The following LOXL2 variants were observed in gnomAD, a reference collection of about 807,000 sequenced individuals.
LOXL2 encodes lysyl oxidase homolog 2.
A neutral mutation model predicts 93.0 loss-of-function variants in LOXL2; 70 were observed. The ratio of observed to expected loss-of-function variants is 0.75; its 90% confidence interval spans 0.62 to 0.92. LOXL2 has a LOEUF of 0.92. Among genes scored for constraint, LOXL2 ranks in the 40% least tolerant of loss-of-function variants. The pLI is 0.00. For synonymous variants in LOXL2, 438 were observed against 413.2 expected (o/e 1.06, Z -0.73); for missense variants, 973 against 1,054.9 (o/e 0.92, Z 1.08).
chr8:23,401,367 A>G (rs971796564), intron 1 of LOXL2, among the ~76,000 whole-genome samples: 2 of 152,192 alleles, frequency 1.3e-5, no homozygotes, highest in African/African-American at 4.8e-5. Flanking sequence ...ATAGACTGCT[A>G]TTTGGCATTA....
intron 3 of LOXL2, among the ~76,000 whole-genome samples, chr8:23,348,027 A>G (rs1804022300): frequency 6.6e-6 from 1 of 152,190 alleles, no homozygotes; most frequent in Admixed American, 6.5e-5. Context: ...TATAATTAAA[A>G]AAAAGAAAGA....
At chr8:23,325,173 C>T (rs10094499) in intron 6 of LOXL2, among the ~76,000 whole-genome samples, 20,940 of 152,210 alleles carry the variant, frequency 0.14, 2,646 homozygotes, top group African/African-American at 0.33. Context: ...ATATTGATTA[C>T]ATGTTGAAAT....
intron 2 of LOXL2, chr8:23,364,753 G>A (rs990514587): frequency 3.3e-5 from 5 of 152,176 alleles, no homozygotes; most frequent in African/African-American, 1.2e-4. Flanking sequence ...GAGATGGGAG[G>A]ATCACTTGAA....
At chr8:23,381,571 GC>G (rs1310545628) in intron 1 of LOXL2, among the ~76,000 whole-genome samples, 4 of 152,174 alleles carry the variant, frequency 2.6e-5, no homozygotes, top group Non-Finnish European at 1.5e-5. Flanking sequence ...AGGAGGTGGA[GC>G]TTTTTCTCTC....
At chr8:23,306,160 G>A (rs543645597) in intron 10 of LOXL2, among the ~76,000 whole-genome samples, 1 of 152,296 alleles carries the variant, frequency 6.6e-6, no homozygotes, top group African/African-American at 2.4e-5. Context: ...GGAGGTGTTG[G>A]ATGCAAAACG....
At chr8:23,364,425 AAAG>A (rs1413215263) in intron 2 of LOXL2, 3 of 152,232 alleles carry the variant, frequency 2.0e-5, no homozygotes, top group African/African-American at 7.2e-5. Context: ...TCTCCTGATG[AAAG>A]AAGAGATAAA....
In LOXL2 at chr8:23,333,561, T is replaced by G; in HGVS notation, c.806A>C (p.Glu269Ala). The G allele has an allele frequency of 1.2e-6, 2 of 1,613,914 alleles. No individual in the cohort carries two copies. Among genetic ancestry groups the G allele is most frequent in the East Asian group, 2.2e-5 (1 of 44,894 alleles). Residue 269 changes from glutamate (E) to alanine (A), a missense_variant, in exon 5 of 14, where the codon GAG (glutamate) becomes GCG (alanine). Transcript: ENST00000389131. ...WPFSMDCTGT[E>A]AHISSCKLGP... is the part of the protein sequence containing the mutation. ...CAGCTTGCAGCTGGAGATGTGGGCC[T>G]CTGTGCCGGTGCAGTCCATGGAGAA...
In LOXL2 at chr8:23,299,036, G is replaced by A. The variant is rs935332881; in HGVS notation, c.2134-89C>T. On this transcript the variant is annotated intron_variant, in intron 12 of 13. Coordinates refer to ENST00000389131, the MANE Select transcript of LOXL2 (RefSeq NM_002318.3). ...GGGCTCTGAGAGACCAGCACCTCAG[G>A]GAAGGGGAGCGTGGCAGGTGCCGGG... is the stretch of plus-strand genomic sequence containing the variant. The A allele has an allele frequency of 1.3e-5, 10 of 782,150 alleles. 1 individual carries two copies. The African/African-American group carries it at 1.7e-4, about 13-fold the overall frequency. 48.5% of individuals were successfully genotyped at this position (782,150 alleles called of 1,614,324 possible).
intron 4 of LOXL2, among the ~76,000 whole-genome samples, chr8:23,335,954 G>A (rs755804074): frequency 3.9e-5 from 6 of 152,178 alleles, no homozygotes; most frequent in Non-Finnish European, 8.8e-5. Flanking sequence ...TTCAGGGTGC[G>A]TGCTCACCAC....
At chr8:23,373,076 T>A (rs1356743910) in intron 1 of LOXL2, among the ~76,000 whole-genome samples, 1 of 152,026 alleles carries the variant, frequency 6.6e-6, no homozygotes, top group Admixed American at 6.6e-5. Flanking sequence ...AAGTAGAAAA[T>A]CCCCAAATAT....
intron 4 of LOXL2, among the ~76,000 whole-genome samples, chr8:23,339,140 T>A (rs1803840991): frequency 6.6e-6 from 1 of 152,040 alleles, no homozygotes; most frequent in African/African-American, 2.4e-5. Context: ...GGGACACATG[T>A]AGGCCTAACT....
chr8:23,359,642 T>G (rs1049329855), intron 3 of LOXL2, among the ~76,000 whole-genome samples: 6 of 152,188 alleles, frequency 3.9e-5, no homozygotes, highest in African/African-American at 1.4e-4. Flanking sequence ...TCTCACAAAC[T>G]GTGCAAGATA....
At position 23,341,109 on chromosome 8, in the gene LOXL2, T is replaced by C. The variant is rs936064216; in HGVS notation, c.626A>G (p.Lys209Arg). ...TPVMEGYVEV[K>R]EGKTWKQICD... ...GATCTGCTTCCAGGTCTTGCCCTCC[T>C]TCACCTCCACGTAGCCCTCCATCAC... Residue 209 changes from lysine (K) to arginine (R), a missense_variant, in exon 4 of 14, where the codon AAG becomes AGG. By Grantham distance (26) the Lys-to-Arg change is conservative. Transcript: ENST00000389131. The C allele has an allele frequency of 1.2e-6, 2 of 1,614,016 alleles. No homozygotes were observed. Among genetic ancestry groups the C allele is most frequent in the African/African-American group, 1.3e-5 (1 of 75,034 alleles).
intron 4 of LOXL2, among the ~76,000 whole-genome samples, chr8:23,339,120 CT>C (rs1803840665): frequency 6.6e-6 from 1 of 152,204 alleles, no homozygotes; most frequent in Non-Finnish European, 1.5e-5. Flanking sequence ...TTCCCAGCAC[CT>C]TTCTCTTTGG....
rs1199875291 is a variant in LOXL2 at position 23,328,429 on chromosome 8, C to A, written c.1103G>T (p.Gly368Val). The stretch of plus-strand genomic sequence containing the variant: ...GACTGCCTCTTTGGCACTCCCAAAG[C>A]CCAGCTCTCTGCAGACCACACTGGC... Reference protein sequence around the residue: ...VSASVVCRELGFGSAKEAVTG... With the variant: ...VSASVVCRELVFGSAKEAVTG... The change falls in exon 6 of 14, where the codon GGC becomes GTC. Residue 368 changes from glycine to valine, a missense_variant. Transcript: ENST00000389131. 6.2e-7 allele frequency: 1 copy of A among 1,614,106 alleles called. No homozygotes were observed.
chr8:23,328,145 G>A (rs1422182246), intron 6 of LOXL2, among the ~76,000 whole-genome samples: 2 of 152,096 alleles, frequency 1.3e-5, no homozygotes, highest in Non-Finnish European at 2.9e-5. Context: ...ATCTCACCTT[G>A]GATGTTTACT....
At chr8:23,348,770 A>G (rs899398647) in intron 3 of LOXL2, among the ~76,000 whole-genome samples, 22 of 152,048 alleles carry the variant, frequency 1.4e-4, no homozygotes, top group Admixed American at 3.3e-4. Flanking sequence ...CCAGCTACTC[A>G]GGAGGCTGAG....
At chr8:23,388,334 T>C (rs1299233494) in intron 1 of LOXL2, among the ~76,000 whole-genome samples, 2 of 152,128 alleles carry the variant, frequency 1.3e-5, no homozygotes, top group African/African-American at 4.8e-5. Flanking sequence ...TCCTGGCACT[T>C]TGGGAGGCCA....
At chr8:23,380,886 G>T (rs929089170) in intron 1 of LOXL2, among the ~76,000 whole-genome samples, 1 of 152,082 alleles carries the variant, frequency 6.6e-6, no homozygotes, top group Non-Finnish European at 1.5e-5. Flanking sequence ...GGTGGCAAGC[G>T]CCTGTAATCC....
Sources: gnomAD v4.1 joint callset for allele counts (sites outside exome capture counted in the v4.1 genomes callset) on GRCh38, gnomAD v4.1.1 for gene constraint, MANE v1.5 for transcripts, NCBI Gene and HGNC (gene_info 2026-07-23, HGNC 2026-07-21) for gene names.